TJP1: variants seen among roughly 807,000 people sequenced by gnomAD.
The protein encoded by TJP1 is tight junction protein ZO-1.
A neutral mutation model predicts 194.2 loss-of-function variants in TJP1; 43 were observed. That is an observed-to-expected ratio of 0.22 (90% CI 0.17 to 0.29). TJP1 has a LOEUF of 0.29. TJP1 is among the 10% of genes least tolerant of loss of function. TJP1 has a pLI of 1.00. For missense variants in TJP1, 1,971 were observed against 2,185.7 expected, an observed-to-expected ratio of 0.90 and a Z score of 1.96; for synonymous variants, 801 against 779.0, an observed-to-expected ratio of 1.03 and a Z score of -0.47.
At chr15:29,944,346 T>C (rs1243848820) in intron 2 of TJP1, among the ~76,000 whole-genome samples, 1 of 151,888 alleles carries the variant, frequency 6.6e-6, no homozygotes, top group Admixed American at 6.6e-5. Flanking sequence ...CCACCCGCCT[T>C]GGCCTCCCAA....
intron 2 of TJP1, among the ~76,000 whole-genome samples, chr15:29,868,594 A>G (rs544027084): frequency 5.3e-5 from 8 of 152,330 alleles, no homozygotes; most frequent in Admixed American, 1.3e-4. Flanking sequence ...AAAGGAAGAA[A>G]GGGAAGGAAA....
chr15:29,909,620 G>A (rs1328988777), intron 2 of TJP1, among the ~76,000 whole-genome samples: 2 of 152,056 alleles, frequency 1.3e-5, no homozygotes, highest in Admixed American at 1.3e-4. Flanking sequence ...CCCAAGTCCT[G>A]AGTCCTCAGC....
At chr15:29,753,879 G>A (rs140557447) in intron 8 of TJP1, among the ~76,000 whole-genome samples, 17 of 149,350 alleles carry the variant, frequency 1.1e-4, no homozygotes, top group South Asian at 4.2e-4. Flanking sequence ...AAAAGAACAC[G>A]TAGTACTACC....
chr15:29,762,711 G>A (rs547434906), intron 5 of TJP1, among the ~76,000 whole-genome samples: 114 of 152,168 alleles, frequency 7.5e-4, no homozygotes, highest in Middle Eastern at 3.4e-3. Context: ...TCCCCAAGAG[G>A]ACACCATTTC....
chr15:29,782,912 A>C (rs2047460226), intron 2 of TJP1, among the ~76,000 whole-genome samples: 1 of 151,442 alleles, frequency 6.6e-6, no homozygotes, highest in Non-Finnish European at 1.5e-5. Flanking sequence ...AAAAAAAAAA[A>C]ACACGTTGCC....
At chr15:29,824,298 C>A (rs534383371), upstream of TJP1, among the ~76,000 whole-genome samples, 12 of 151,142 alleles carry the variant, frequency 7.9e-5, no homozygotes, top group Non-Finnish European at 1.3e-4. Flanking sequence ...AGGAAAGTAG[C>A]CGGGCATGGT....
chr15:29,958,346 AT>A (rs1488474620), intron 1 of TJP1, among the ~76,000 whole-genome samples: 1 of 146,122 alleles, frequency 6.8e-6, no homozygotes, highest in Non-Finnish European at 1.5e-5. Context: ...ATGTAGCTGG[AT>A]TTTTTTCTTT....
chr15:29,786,258 T>C (rs1346196854), intron 2 of TJP1, among the ~76,000 whole-genome samples: 1 of 152,206 alleles, frequency 6.6e-6, no homozygotes, highest in Non-Finnish European at 1.5e-5. Flanking sequence ...ATAGTTTTCA[T>C]TTCTCATTCC....
rs184937262 is a variant in TJP1, at chr15:29,761,781, A to C, written c.694-12T>G. The C allele has an allele frequency of 2.5e-4, 385 of 1,527,730 alleles. No individual in the cohort carries two copies. The highest frequency in any genetic ancestry group is 8.8e-4 in the Middle Eastern group (5 of 5,696). The allele number at this position is 1,527,730 out of a possible 1,614,324, so 94.6% of individuals were successfully genotyped here. On this transcript the variant is annotated splice_polypyrimidine_tract_variant and intron_variant, in intron 6 of 27. Transcript: ENST00000614355. ...ACAGTACCATTTATCTGCAACAGAAAATAAATTACAGCTTGAAAGTAAATA... is the reference window on the plus strand; with the variant it reads ...ACAGTACCATTTATCTGCAACAGAACATAAATTACAGCTTGAAAGTAAATA...
intron 22 of TJP1, among the ~76,000 whole-genome samples, chr15:29,717,081 G>A (rs774168516): frequency 1.3e-5 from 2 of 152,086 alleles, no homozygotes; most frequent in Admixed American, 1.3e-4. Context: ...TAAGCTAAAC[G>A]ATTACATGAT....
rs572539612 is a variant in TJP1, at chr15:29,891,549, G to C, written c.306+64683C>G. ...TGAAGGTTTGTGGCAACTCTGTTCA[G>C]CATGTCTACTGGCACCATTCTTCCA... On this transcript the variant is annotated intron_variant, in intron 2 of 28. Transcript: ENST00000356107. Among the ~76,000 whole-genome samples, 142 of 152,296 alleles carry C rather than the reference G, an allele frequency of 9.3e-4. No homozygotes were observed. The Middle Eastern group carries it at 0.017, about 18-fold the overall frequency.
intron 1 of TJP1, among the ~76,000 whole-genome samples, chr15:29,959,551 G>C (rs2056079924): frequency 6.6e-6 from 1 of 152,014 alleles, no homozygotes; most frequent in African/African-American, 2.4e-5. Context: ...CAGAGAGATG[G>C]GATACGCTGC....
At chr15:29,741,306 C>A in intron 10 of TJP1, 25 bp downstream of exon 10, 1 of 1,507,638 alleles carries the variant, frequency 6.6e-7, no homozygotes. Context: ...ACAAAGAAAA[C>A]AATACAACTT....
chr15:29,861,690 C>A (rs2052087600), intron 2 of TJP1, among the ~76,000 whole-genome samples: 1 of 152,108 alleles, frequency 6.6e-6, no homozygotes, highest in East Asian at 1.9e-4. Flanking sequence ...ATATTAGACC[C>A]TTTTCAGATA....
intron 2 of TJP1, among the ~76,000 whole-genome samples, chr15:29,862,239 T>A (rs1459657796): frequency 1.3e-5 from 2 of 152,144 alleles, no homozygotes; most frequent in Non-Finnish European, 2.9e-5. Flanking sequence ...AAGTCAATAA[T>A]AATAACAACA....
At chr15:29,942,458 A>ATCT (rs2055113791) in intron 2 of TJP1, among the ~76,000 whole-genome samples, 1 of 152,218 alleles carries the variant, frequency 6.6e-6, no homozygotes, top group African/African-American at 2.4e-5. Context: ...CTCCTTTAGA[A>ATCT]ATATCTGAAC....
chr15:29,740,576 T>C (rs1486225975), intron 10 of TJP1, among the ~76,000 whole-genome samples: 1 of 151,624 alleles, frequency 6.6e-6, no homozygotes, highest in Non-Finnish European at 1.5e-5. Flanking sequence ...AGGTTGCAGT[T>C]AGCCGAGATT....
At chr15:29,843,179 T>C (rs1240280291) in intron 2 of TJP1, among the ~76,000 whole-genome samples, 1 of 130,732 alleles carries the variant, frequency 7.6e-6, no homozygotes, top group Non-Finnish European at 1.7e-5. Context: ...TTTTTCTTTT[T>C]TCTTTTCTTT....
At chr15:29,869,678 C>T (rs1236897113) in intron 2 of TJP1, among the ~76,000 whole-genome samples, 1 of 151,952 alleles carries the variant, frequency 6.6e-6, no homozygotes, top group East Asian at 1.9e-4. Flanking sequence ...AGGCACCTTA[C>T]AGACACCGCA....
Sources: gnomAD v4.1 joint callset for allele counts (sites outside exome capture counted in the v4.1 genomes callset) on GRCh38, gnomAD v4.1.1 for gene constraint, MANE v1.5 for transcripts, NCBI Gene and HGNC (gene_info 2026-07-23, HGNC 2026-07-21) for gene names.